SFMBT2: variants seen among roughly 807,000 people sequenced by gnomAD.
SFMBT2 encodes the protein scm-like with four MBT domains protein 2.
SFMBT2 carries 38 observed loss-of-function variants against 110.1 expected under a neutral mutation model. The ratio of observed to expected loss-of-function variants is 0.35; its 90% confidence interval spans 0.27 to 0.45. SFMBT2 has a LOEUF of 0.45. Ranked by LOEUF, SFMBT2 falls within the 20% of genes least tolerant of loss-of-function variation. SFMBT2 has a pLI of 1.00. For synonymous variants in SFMBT2, 425 were observed against 425.4 expected (o/e 1.00, Z 0.01); for missense variants, 1,011 against 1,094.9 (o/e 0.92, Z 1.08).
intron 4 of SFMBT2, among the ~76,000 whole-genome samples, chr10:7,355,811 CA>C (rs1330738048): frequency 1.3e-5 from 2 of 151,950 alleles, no homozygotes; most frequent in African/African-American, 4.8e-5. Flanking sequence ...AACTCTGTCT[CA>C]AAAATAAATA....
intron 16 of SFMBT2, 50 bp downstream of exon 16, chr10:7,188,574 A>T: frequency 1.4e-6 from 2 of 1,424,026 alleles, no homozygotes; most frequent in African/African-American, 2.8e-5. Context: ...TCAAAGTAGC[A>T]TGGGGAAGTA....
At chr10:7,177,859 T>TAAAA (rs58162082) in intron 16 of SFMBT2, among the ~76,000 whole-genome samples, 1 of 146,062 alleles carries the variant, frequency 6.8e-6, no homozygotes, top group Non-Finnish European at 1.5e-5. Flanking sequence ...CTCTGTCTCT[T>TAAAA]AAAAAAAAAA....
rs561395425 is a variant in SFMBT2, at chr10:7,367,988, T to G, written c.196-99A>C. 23 of 1,473,658 alleles carry G rather than the reference T, an allele frequency of 1.6e-5. No homozygotes were observed. The East Asian group carries it at 5.4e-4, about 34-fold the overall frequency. 91.3% of individuals were successfully genotyped at this position (1,473,658 alleles called of 1,614,324 possible). On this transcript the variant is annotated intron_variant, in intron 3 of 20. Coordinates refer to ENST00000397167, the MANE Select transcript of SFMBT2 (RefSeq NM_001387889.1). This position sits in a 1 kb window ranked among gnomAD's most constrained non-coding sequence, Gnocchi z 6.2. ...TAAAAAATATGGCACTTACAAACAA[T>G]ATTCCTGTTGCTCTAAAACAGGCAT...
In SFMBT2 at chr10:7,159,715, G is replaced by A. The variant is rs1455471599; in HGVS notation, c.*4055C>T. 2 of 152,168 alleles carry A rather than the reference G, an allele frequency of 1.3e-5. No homozygotes were observed. Among genetic ancestry groups the A allele is most frequent in the African/African-American group, 4.8e-5 (2 of 41,432 alleles). The allele number at this position is 152,168 out of a possible 1,614,324, so 9.4% of individuals were successfully genotyped here. On this transcript the variant is annotated 3_prime_UTR_variant, in exon 21 of 21. Transcript: ENST00000397167. ...CTTGATTCGCCATCTCAATCCAAAA[G>A]CAGCAAAGATGCTCAAACCACAACA...
chr10:7,292,727 A>T (rs1207253412), intron 4 of SFMBT2, among the ~76,000 whole-genome samples: 1 of 152,192 alleles, frequency 6.6e-6, no homozygotes, highest in East Asian at 1.9e-4. Flanking sequence ...TGTAAAGAAT[A>T]AGATTTAGGT....
chr10:7,180,727 C>G (rs1053108319), intron 16 of SFMBT2, among the ~76,000 whole-genome samples: 1 of 152,026 alleles, frequency 6.6e-6, no homozygotes, highest in East Asian at 1.9e-4. Flanking sequence ...GATGGAAGTG[C>G]GGGAGGGACG....
chr10:7,208,693 A>G (rs1352646910), intron 11 of SFMBT2, among the ~76,000 whole-genome samples: 1 of 121,712 alleles, frequency 8.2e-6, no homozygotes. Flanking sequence ...TCTCAAAAAA[A>G]AAAAAAAGAA....
chr10:7,311,729 G>A (rs1001218335), intron 4 of SFMBT2, among the ~76,000 whole-genome samples: 2 of 152,152 alleles, frequency 1.3e-5, no homozygotes, highest in Middle Eastern at 3.2e-3. Flanking sequence ...AGATTATGTA[G>A]ATAAAATACA....
intron 9 of SFMBT2, among the ~76,000 whole-genome samples, chr10:7,239,614 A>T (rs1229882533): frequency 6.6e-6 from 1 of 152,208 alleles, no homozygotes; most frequent in Non-Finnish European, 1.5e-5. Context: ...TAAGGGAGTC[A>T]ATGAATGAAG....
At chr10:7,285,835 G>C (rs774955246) in intron 5 of SFMBT2, 31 bp downstream of exon 5, 5 of 865,466 alleles carry the variant, frequency 5.8e-6, no homozygotes, top group Non-Finnish European at 1.0e-5. Flanking sequence ...GTGCTTCAGA[G>C]ATACATTAGA....
intron 12 of SFMBT2, chr10:7,204,069 ATAAT>A (rs1227369207): frequency 8.3e-6 from 2 of 241,710 alleles, no homozygotes; most frequent in East Asian, 3.5e-4. Flanking sequence ...TGGGATTAAA[ATAAT>A]TATTGTACAC....
At chr10:7,229,537 G>A (rs1240148715) in intron 9 of SFMBT2, among the ~76,000 whole-genome samples, 1 of 147,620 alleles carries the variant, frequency 6.8e-6, no homozygotes, top group East Asian at 2.1e-4. Flanking sequence ...GGAGGTTGCA[G>A]TGAGCCGAGA....
At chr10:7,215,394 CT>C (rs1839500677) in intron 11 of SFMBT2, among the ~76,000 whole-genome samples, 1 of 152,216 alleles carries the variant, frequency 6.6e-6, no homozygotes. Context: ...GAGCAAGACC[CT>C]GTCTCAAAAC....
At chr10:7,410,610 AG>A (rs1846348328) in intron 1 of SFMBT2, among the ~76,000 whole-genome samples, 1 of 152,130 alleles carries the variant, frequency 6.6e-6, no homozygotes, top group South Asian at 2.1e-4. Context: ...CGCACAGAGG[AG>A]TTTGAAGCTT....
chr10:7,300,992 G>GAA (rs1407026283), intron 4 of SFMBT2, among the ~76,000 whole-genome samples: 2 of 152,172 alleles, frequency 1.3e-5, no homozygotes, highest in South Asian at 4.1e-4. Context: ...AGAAAATAAA[G>GAA]ATCATTAAGA....
At chr10:7,378,215 T>TG (rs35737309) in intron 2 of SFMBT2, among the ~76,000 whole-genome samples, 2,222 of 9,706 alleles carry the variant, frequency 0.23, 870 homozygotes, top group East Asian at 0.56. Flanking sequence ...TGTGGATGTG[T>TG]GATGGATGGG....
Position 7,170,236 on chromosome 10 carries a change from T to C in SFMBT2, c.2544+692A>G, listed in dbSNP as rs372154795. On this transcript the variant is annotated intron_variant, in intron 20 of 20. Coordinates refer to ENST00000397167, the MANE Select transcript of SFMBT2 (RefSeq NM_001387889.1). This position sits in a 1 kb window ranked among gnomAD's most constrained non-coding sequence, Gnocchi z 4.6. ...GGTTGCTGTTTGTGTGTGAGCTTCA[T>C]GCCCCTGAGACTTGGAGCTGAAGAA... Among the ~76,000 whole-genome samples the C allele has an allele frequency of 1.1e-4, 16 of 152,336 alleles. No individual in the cohort carries two copies. The highest frequency in any genetic ancestry group is 4.1e-4 in the South Asian group (2 of 4,832).
intron 7 of SFMBT2, among the ~76,000 whole-genome samples, chr10:7,255,987 T>C (rs1840993432): frequency 6.6e-6 from 1 of 152,236 alleles, no homozygotes; most frequent in Non-Finnish European, 1.5e-5. Context: ...CCAGGCATTT[T>C]GGATAAGAGA....
intron 1 of SFMBT2, among the ~76,000 whole-genome samples, chr10:7,398,587 C>T (rs1845987616): frequency 6.6e-6 from 1 of 151,296 alleles, no homozygotes; most frequent in Admixed American, 6.6e-5. Flanking sequence ...GTCAAAGGGC[C>T]TTTTTTTTTA....
Sources: allele counts gnomAD v4.1 joint callset (sites outside exome capture counted in the v4.1 genomes callset), GRCh38; gene constraint gnomAD v4.1.1; non-coding constraint Gnocchi (gnomAD v3.1); transcripts MANE v1.5; gene names NCBI Gene and HGNC (gene_info 2026-07-23, HGNC 2026-07-21).